WDFY4: variants seen among roughly 807,000 people sequenced by gnomAD.
WDFY4 encodes the protein WD repeat- and FYVE domain-containing protein 4.
WDFY4 carries 169 observed loss-of-function variants against 351.9 expected under a neutral mutation model. That is an observed-to-expected ratio of 0.48 (90% CI 0.42 to 0.55). The LOEUF (loss-of-function observed/expected upper bound fraction) is 0.55. Ranked by LOEUF, WDFY4 falls within the 20% of genes least tolerant of loss-of-function variation. The probability of loss-of-function intolerance (pLI) is 0.00; values close to 1 mark genes in which losing one functional copy is unlikely to be tolerated. For synonymous variants in WDFY4, 1,622 were observed against 1,574.6 expected (o/e 1.03, Z -0.71); for missense variants, 3,803 against 3,935.6 (o/e 0.97, Z 0.90).
chr10:48,903,066 C>T (rs751195513), intron 47 of WDFY4, among the ~76,000 whole-genome samples: 16 of 151,896 alleles, frequency 1.1e-4, no homozygotes, highest in South Asian at 2.1e-4. Flanking sequence ...GCTGAGATCG[C>T]GCCACTGCAC....
At chr10:48,923,749 T>C (rs1290904127) in intron 47 of WDFY4, among the ~76,000 whole-genome samples, 1 of 152,102 alleles carries the variant, frequency 6.6e-6, no homozygotes, top group African/African-American at 2.4e-5. Flanking sequence ...ATCTAGATTC[T>C]CACTGATTCT....
At chr10:48,820,991 G>A (rs1589688580) in intron 33 of WDFY4, 71 bp from the exon 34 acceptor site, 1 of 1,080,776 alleles carries the variant, frequency 9.3e-7, no homozygotes, top group Non-Finnish European at 1.4e-6. Flanking sequence ...AGCCAGGCTA[G>A]GGAGGCGGTG....
rs888197630 is a variant in WDFY4 at position 48,875,956 on chromosome 10, T to C, written c.7000+816T>C. Among the ~76,000 whole-genome samples, 9 of 152,224 alleles carry C rather than the reference T, an allele frequency of 5.9e-5. No individual in the cohort carries two copies. The East Asian group carries it at 1.7e-3, about 29-fold the overall frequency. ...CTCTCACATGGAATGATTGCCTGCC[T>C]GCTCCAGCTCCAGAGGTGGGAGTTG... On this transcript the variant is annotated intron_variant, in intron 42 of 61. Coordinates refer to ENST00000325239, the MANE Select transcript of WDFY4 (RefSeq NM_001394531.1).
In WDFY4 at chr10:48,686,375, G is replaced by A. The variant is rs376511113; in HGVS notation, c.-18+1374G>A. 3.5e-4 allele frequency among the ~76,000 whole-genome samples: 52 copies of A among 149,062 alleles called. 2 individuals are homozygous for A. The highest frequency in any genetic ancestry group is 1.2e-3 in the African/African-American group (50 of 40,558). On this transcript the variant is annotated intron_variant, in intron 1 of 61. Coordinates refer to ENST00000325239, the MANE Select transcript of WDFY4 (RefSeq NM_001394531.1). ...AATTTAGAAAGACCATAATAAGATA[G>A]AAGTAATAAAAACAGCATAAACCCT...
chr10:48,834,882 G>A (rs531486625), intron 39 of WDFY4, among the ~76,000 whole-genome samples: 81 of 152,304 alleles, frequency 5.3e-4, no homozygotes, highest in African/African-American at 1.7e-3. Context: ...GCAACAGTTC[G>A]TATGAAAGAA....
At chr10:48,779,798 T>C (rs2066158425) in intron 18 of WDFY4, 143 bp from the exon 19 acceptor site, 1 of 754,676 alleles carries the variant, frequency 1.3e-6, no homozygotes, top group Non-Finnish European at 2.1e-6. Flanking sequence ...TTGCTGCTGC[T>C]GTTGTCATTT....
At chr10:48,778,298 G>A (rs1422691688) in intron 17 of WDFY4, among the ~76,000 whole-genome samples, 2 of 152,260 alleles carry the variant, frequency 1.3e-5, no homozygotes, top group East Asian at 3.8e-4. Context: ...AGGGCACATG[G>A]CATTCCTAGA....
At chr10:48,752,465 C>T (rs967833100) in intron 12 of WDFY4, among the ~76,000 whole-genome samples, 1 of 152,166 alleles carries the variant, frequency 6.6e-6, no homozygotes, top group African/African-American at 2.4e-5. Context: ...AATGCATTCA[C>T]AGTGTTGTGC....
chr10:48,774,314 C>A, intron 13 of WDFY4, 144 bp from the exon 14 acceptor site: 1 of 849,328 alleles, frequency 1.2e-6, no homozygotes, highest in Non-Finnish European at 1.9e-6. Context: ...AACCCTGAGA[C>A]AGGCGTGGGT....
At chr10:48,769,553 G>C (rs187160888) in intron 13 of WDFY4, among the ~76,000 whole-genome samples, 1 of 152,190 alleles carries the variant, frequency 6.6e-6, no homozygotes, top group East Asian at 1.9e-4. Context: ...GCTCAGTAAA[G>C]CCCCTAGTGC....
chr10:48,778,702 G>A lies in WDFY4; in HGVS notation c.3267G>A (p.Pro1089=), dbSNP rs759745530. The A allele has an allele frequency of 1.9e-5, 30 of 1,551,524 alleles. No individual in the cohort carries two copies. The highest frequency in any genetic ancestry group is 1.2e-4 in the South Asian group (10 of 84,068). The part of the protein sequence containing the change: ...SRHGAATEGH[P]LRFLTLVRHL... The stretch of plus-strand genomic sequence containing the variant: ...ATGGAGCTGCCACTGAGGGCCACCC[G>A]CTGCGCTTCCTGACGTTGGTGCGCC... Residue 1089 remains proline (P), a synonymous_variant, in exon 18 of 62, where the codon CCG becomes CCA. Transcript: ENST00000325239.
Position 48,748,451 on chromosome 10 carries a change from G to A in WDFY4, c.2459+4903G>A, listed in dbSNP as rs548379209. 9.9e-5 allele frequency among the ~76,000 whole-genome samples: 15 copies of A among 152,244 alleles called. No individual in the cohort carries two copies. The East Asian group carries it at 1.2e-3, about 12-fold the overall frequency. On this transcript the variant is annotated intron_variant, in intron 12 of 61. Transcript: ENST00000325239. ...CCTGCATGCATTTGTCTGTGCGTGC[G>A]TGTATGTGCACACACGTGTGTGTGT...
At chr10:48,965,546 G>A (rs1007543008) in intron 54 of WDFY4, among the ~76,000 whole-genome samples, 7 of 152,226 alleles carry the variant, frequency 4.6e-5, no homozygotes, top group Admixed American at 3.9e-4. Flanking sequence ...TAACTGAGCT[G>A]AGGTTTCTCT....
At chr10:48,851,169 A>G (rs2068944588) in intron 39 of WDFY4, among the ~76,000 whole-genome samples, 3 of 152,196 alleles carry the variant, frequency 2.0e-5, no homozygotes, top group Non-Finnish European at 4.4e-5. Flanking sequence ...CCACTATTCA[A>G]GTCATCCATC....
At chr10:48,863,962 T>A (rs1009820942) in intron 39 of WDFY4, among the ~76,000 whole-genome samples, 31 of 152,044 alleles carry the variant, frequency 2.0e-4, no homozygotes, top group African/African-American at 7.3e-4. Context: ...TCACTCACTA[T>A]CACAAGAACA....
At chr10:48,792,434 A>G (rs766761469) in intron 23 of WDFY4, among the ~76,000 whole-genome samples, 1 of 152,198 alleles carries the variant, frequency 6.6e-6, no homozygotes, top group Non-Finnish European at 1.5e-5. Flanking sequence ...TATTACTGAC[A>G]CCATGAAGAC....
At chr10:48,826,173 C>T (rs555969944) in intron 35 of WDFY4, among the ~76,000 whole-genome samples, 3 of 152,232 alleles carry the variant, frequency 2.0e-5, no homozygotes, top group Admixed American at 6.5e-5. Flanking sequence ...TTTCTGTGTA[C>T]GTCTAGCCAG....
chr10:48,787,588 A>G (rs970506445), intron 20 of WDFY4, among the ~76,000 whole-genome samples: 3 of 152,262 alleles, frequency 2.0e-5, no homozygotes, highest in African/African-American at 7.2e-5. Context: ...GTGGCTGTGC[A>G]GCTCATTGAA....
intron 47 of WDFY4, among the ~76,000 whole-genome samples, chr10:48,927,460 T>C (rs17011476): frequency 0.012 from 1,858 of 152,274 alleles, 38 homozygotes; most frequent in African/African-American, 0.042. Context: ...GTTCTTCCCA[T>C]TACGTCAAAA....
Sources: allele counts gnomAD v4.1 joint callset (sites outside exome capture counted in the v4.1 genomes callset), GRCh38; gene constraint gnomAD v4.1.1; transcripts MANE v1.5; gene names NCBI Gene and HGNC (gene_info 2026-07-23, HGNC 2026-07-21).